Variants in NRXN3 observed in about 807,000 individuals in gnomAD.
NRXN3 encodes the protein neurexin 3, also known as neurexin III.
NRXN3 carries 32 observed loss-of-function variants against 137.6 expected under a neutral mutation model. The ratio of observed to expected loss-of-function variants is 0.23; its 90% CI spans 0.18 to 0.31. The LOEUF is 0.31. Ranked by LOEUF, NRXN3 falls within the 10% of genes least tolerant of loss-of-function variation. The pLI is 1.00. For missense variants in NRXN3, 1,574 were observed against 2,062.5 expected, an observed-to-expected ratio of 0.76 and a Z score of 4.59; for synonymous variants, 798 against 784.5, an observed-to-expected ratio of 1.02 and a Z score of -0.29.
chr14:78,738,386 G>T (rs528960350), intron 8 of NRXN3, among the ~76,000 whole-genome samples: 1 of 152,236 alleles, frequency 6.6e-6, no homozygotes, highest in African/African-American at 2.4e-5. Flanking sequence ...TCTCAGCCTT[G>T]GTCCGTCACT....
At chr14:78,594,388 A>C (rs2097142461) in intron 4 of NRXN3, among the ~76,000 whole-genome samples, 1 of 152,124 alleles carries the variant, frequency 6.6e-6, no homozygotes, top group Non-Finnish European at 1.5e-5. Context: ...TGAACACACC[A>C]AATGCCACTA....
intron 4 of NRXN3, among the ~76,000 whole-genome samples, chr14:78,562,270 C>G (rs2096793488): frequency 6.6e-6 from 1 of 151,502 alleles, no homozygotes; most frequent in South Asian, 2.1e-4. Flanking sequence ...GGTGGCACAC[C>G]CCTGTAGTCC....
At chr14:78,636,236 C>A (rs571714183) in intron 4 of NRXN3, among the ~76,000 whole-genome samples, 1 of 152,044 alleles carries the variant, frequency 6.6e-6, no homozygotes, top group African/African-American at 2.4e-5. Flanking sequence ...AATTGGGCTT[C>A]TTTATAATTT....
intron 4 of NRXN3, among the ~76,000 whole-genome samples, chr14:78,426,059 C>T (rs1020880690): frequency 6.6e-6 from 1 of 152,196 alleles, no homozygotes; most frequent in South Asian, 2.1e-4. Flanking sequence ...GCCCTGAGGC[C>T]AGCAGGACCA....
At chr14:78,555,362 A>G (rs1436174225) in intron 4 of NRXN3, among the ~76,000 whole-genome samples, 1 of 152,212 alleles carries the variant, frequency 6.6e-6, no homozygotes, top group Non-Finnish European at 1.5e-5. Flanking sequence ...GACTTTCCCA[A>G]GGTTTACAAC....
At chr14:79,776,889 G>T (rs1409953746) in intron 19 of NRXN3, among the ~76,000 whole-genome samples, 3 of 152,152 alleles carry the variant, frequency 2.0e-5, no homozygotes, top group Non-Finnish European at 4.4e-5. Context: ...AAATTGATTT[G>T]GTTGTTCATC....
At chr14:79,412,793 A>AAAG (rs1188479602) in intron 15 of NRXN3, among the ~76,000 whole-genome samples, 91 of 150,660 alleles carry the variant, frequency 6.0e-4, no homozygotes, top group African/African-American at 2.0e-3. Context: ...AAAAAAAAAA[A>AAAG]AAAAAAAAAA....
chr14:78,280,590 A>G (rs2074271597), intron 3 of NRXN3, among the ~76,000 whole-genome samples: 1 of 152,148 alleles, frequency 6.6e-6, no homozygotes, highest in Non-Finnish European at 1.5e-5. Context: ...TGGGCCCTGC[A>G]TAGGGTCTCC....
chr14:79,388,596 G>T (rs1326363704), intron 15 of NRXN3, among the ~76,000 whole-genome samples: 1 of 152,030 alleles, frequency 6.6e-6, no homozygotes, highest in Non-Finnish European at 1.5e-5. Context: ...ATGACAGGCA[G>T]GCTCACAGCC....
At chr14:79,627,497 G>A (rs2098295375) in intron 16 of NRXN3, among the ~76,000 whole-genome samples, 2 of 152,138 alleles carry the variant, frequency 1.3e-5, no homozygotes, top group African/African-American at 4.8e-5. Flanking sequence ...ATCTCTGAAT[G>A]TAGAGCAGGT....
intron 20 of NRXN3, among the ~76,000 whole-genome samples, chr14:79,828,252 A>G (rs2099311424): frequency 1.3e-5 from 2 of 152,152 alleles, no homozygotes; most frequent in Admixed American, 1.3e-4. Flanking sequence ...CTGGGAGGAA[A>G]GGGAGTGGGC....
chr14:78,700,590 C>T (rs913064792), intron 6 of NRXN3, among the ~76,000 whole-genome samples: 5 of 152,062 alleles, frequency 3.3e-5, no homozygotes, highest in Non-Finnish European at 7.4e-5. Flanking sequence ...CCCCTACTTG[C>T]CAGTTCATGT....
chr14:78,262,549 TC>T (rs989679239), intron 2 of NRXN3, among the ~76,000 whole-genome samples: 1 of 152,034 alleles, frequency 6.6e-6, no homozygotes, highest in African/African-American at 2.4e-5. Context: ...ACCGTGTGGC[TC>T]CCACCCATAG....
intron 16 of NRXN3, among the ~76,000 whole-genome samples, chr14:79,487,639 G>A (rs943884862): frequency 1.4e-5 from 2 of 146,076 alleles, no homozygotes; most frequent in Non-Finnish European, 2.9e-5. Flanking sequence ...CCAGCCTGAG[G>A]ATAATGGCAG....
chr14:78,328,160 C>G (rs1452369117), intron 4 of NRXN3, among the ~76,000 whole-genome samples: 3 of 152,158 alleles, frequency 2.0e-5, no homozygotes, highest in African/African-American at 7.2e-5. Context: ...TCATCTTGCT[C>G]TAAATCATAG....
intron 15 of NRXN3, among the ~76,000 whole-genome samples, chr14:79,454,357 C>T (rs933956837): frequency 2.0e-5 from 3 of 152,156 alleles, no homozygotes; most frequent in African/African-American, 7.2e-5. Context: ...GATGGGATTA[C>T]AAGCATGCAC....
chr14:78,957,096 A>T, intron 10 of NRXN3, 146 bp from the exon 11 acceptor site: 1 of 768,476 alleles, frequency 1.3e-6, no homozygotes, highest in Admixed American at 2.7e-5. Flanking sequence ...AATCCACTGG[A>T]TCAGTAAAAT....
At chr14:78,986,082 G>A (rs1276481436) in intron 14 of NRXN3, among the ~76,000 whole-genome samples, 4 of 152,132 alleles carry the variant, frequency 2.6e-5, no homozygotes, top group Non-Finnish European at 4.4e-5. Context: ...CCCAGAAGAC[G>A]AACCCTTTGT....
intron 16 of NRXN3, among the ~76,000 whole-genome samples, chr14:79,568,748 G>A (rs1369841721): frequency 6.6e-6 from 1 of 152,146 alleles, no homozygotes; most frequent in Non-Finnish European, 1.5e-5. Context: ...CAGTTGTGCT[G>A]TCTTCCACTG....
Sources: gnomAD v4.1 joint callset for allele counts (sites outside exome capture counted in the v4.1 genomes callset) on GRCh38, gnomAD v4.1.1 for gene constraint, MANE v1.5 for transcripts, NCBI Gene and HGNC (gene_info 2026-07-23, HGNC 2026-07-21) for gene names.